SPMIP4: variants seen among roughly 807,000 people sequenced by gnomAD.
SPMIP4 encodes the protein sperm microtubule inner protein 4, also known as sperm-associated microtubule inner protein 4.
chr7:25,158,537 T>A, the SPMIP4 span: 1 of 1,608,066 alleles, frequency 6.2e-7, no homozygotes, highest in Non-Finnish European at 8.5e-7. Flanking sequence ...TATCCTAGAA[T>A]AAAAACAGGA....
the SPMIP4 span, among the ~76,000 whole-genome samples, chr7:25,150,797 A>G: frequency 6.6e-6 from 1 of 152,258 alleles, no homozygotes; most frequent in East Asian, 1.9e-4. Flanking sequence ...TAAAATGGAA[A>G]TGATGATGCT....
the SPMIP4 span, among the ~76,000 whole-genome samples, chr7:25,177,916 G>A: frequency 1.3e-5 from 2 of 152,172 alleles, no homozygotes; most frequent in Non-Finnish European, 2.9e-5. Flanking sequence ...CAGGTGATAA[G>A]CATAGTACCC....
chr7:25,155,144 G>A, the SPMIP4 span: 3 of 1,610,544 alleles, frequency 1.9e-6, no homozygotes, highest in African/African-American at 2.7e-5. Flanking sequence ...CGCCGCGACA[G>A]ATGTGTGTGT....
the SPMIP4 span, among the ~76,000 whole-genome samples, chr7:25,137,788 C>T: frequency 6.6e-6 from 1 of 152,134 alleles, no homozygotes; most frequent in Non-Finnish European, 1.5e-5. Flanking sequence ...GGAAATGACC[C>T]TATTTCCAAA....
the SPMIP4 span, among the ~76,000 whole-genome samples, chr7:25,149,391 C>T: frequency 6.6e-6 from 1 of 152,178 alleles, no homozygotes; most frequent in Non-Finnish European, 1.5e-5. Flanking sequence ...TCATGAGTTA[C>T]TCCCACGAAG....
the SPMIP4 span, among the ~76,000 whole-genome samples, chr7:25,146,885 G>T: frequency 1.2e-4 from 19 of 152,300 alleles, no homozygotes; most frequent in Middle Eastern, 3.4e-3. Flanking sequence ...TTACATCCTA[G>T]AGACTATTCT....
chr7:25,134,669 A>G, the SPMIP4 span: 6 of 985,906 alleles, frequency 6.1e-6, no homozygotes, highest in Non-Finnish European at 7.2e-6. Context: ...ACAAAACTCT[A>G]GGAGTGCAAT....
chr7:25,142,558 G>A, the SPMIP4 span: 2 of 1,227,074 alleles, frequency 1.6e-6, no homozygotes, highest in Admixed American at 4.7e-5. Flanking sequence ...GCAAAAACAT[G>A]AGAAGTTGAA....
chr7:25,145,826 A>T, the SPMIP4 span, among the ~76,000 whole-genome samples: 1 of 152,248 alleles, frequency 6.6e-6, no homozygotes, highest in South Asian at 2.1e-4. Flanking sequence ...ACCATGTACA[A>T]GGTTCTGAGA....
chr7:25,128,937 G>C, the SPMIP4 span, among the ~76,000 whole-genome samples: 1,676 of 152,312 alleles, frequency 0.011, 33 homozygotes, highest in African/African-American at 0.038. The surrounding 1 kb of genome is among the most constrained non-coding windows in gnomAD (Gnocchi z 4.5). Flanking sequence ...AATTTCATGT[G>C]GGGGCTAGGG....
At chr7:25,135,807 G>T in the SPMIP4 span, 3 of 1,342,790 alleles carry the variant, frequency 2.2e-6, no homozygotes, top group Admixed American at 3.5e-5. Context: ...ACCTTTTCTG[G>T]GTTCCTCCAA....
chr7:25,155,841 T>C, the SPMIP4 span, among the ~76,000 whole-genome samples: 1 of 151,906 alleles, frequency 6.6e-6, no homozygotes, highest in South Asian at 2.1e-4. Flanking sequence ...AAAAAAACCA[T>C]GTGGGAGCTG....
the SPMIP4 span, among the ~76,000 whole-genome samples, chr7:25,148,766 G>C: frequency 6.6e-6 from 1 of 152,162 alleles, no homozygotes; most frequent in Admixed American, 6.5e-5. Context: ...ACAGGCGTGA[G>C]CCACTGCATC....
At chr7:25,150,804 T>C in the SPMIP4 span, among the ~76,000 whole-genome samples, 15 of 152,356 alleles carry the variant, frequency 9.8e-5, no homozygotes, top group African/African-American at 3.6e-4. Flanking sequence ...GAAATGATGA[T>C]GCTAACCTTA....
At chr7:25,178,573 T>C in the SPMIP4 span, among the ~76,000 whole-genome samples, 101 of 152,300 alleles carry the variant, frequency 6.6e-4, no homozygotes, top group African/African-American at 2.4e-3. Context: ...AGTCTTTGCT[T>C]ACAACATATT....
At chr7:25,135,733 T>C in the SPMIP4 span, 7 of 1,118,080 alleles carry the variant, frequency 6.3e-6, no homozygotes, top group Non-Finnish European at 7.8e-6. Flanking sequence ...TTAAAGACTA[T>C]AAATTTTTCT....
the SPMIP4 span, chr7:25,151,493 G>T: frequency 1.4e-6 from 1 of 710,512 alleles, no homozygotes; most frequent in Middle Eastern, 3.3e-4. Flanking sequence ...TAAGTGCTGG[G>T]ATTATGGGCA....
the SPMIP4 span, chr7:25,180,275 C>G: frequency 6.6e-6 from 1 of 152,426 alleles, no homozygotes; most frequent in Non-Finnish European, 1.5e-5. Flanking sequence ...CAGCCCAGCG[C>G]TACGGGACTG....
the SPMIP4 span, among the ~76,000 whole-genome samples, chr7:25,157,848 T>A: frequency 6.6e-6 from 1 of 152,184 alleles, no homozygotes; most frequent in Non-Finnish European, 1.5e-5. Context: ...CAGCAATGTT[T>A]CATTAATTGT....
Sources: allele counts gnomAD v4.1 joint callset (sites outside exome capture counted in the v4.1 genomes callset), GRCh38; gene constraint gnomAD v4.1.1; non-coding constraint Gnocchi (gnomAD v3.1); transcripts MANE v1.5; gene names NCBI Gene and HGNC (gene_info 2026-07-23, HGNC 2026-07-21).